The following LRRC4C variants were observed in gnomAD, a reference collection of about 807,000 sequenced individuals.
LRRC4C encodes leucine-rich repeat-containing protein 4C.
In LRRC4C, 5 loss-of-function variants were observed where a neutral mutation model predicts 33.6. The observed-to-expected ratio is 0.15, with a 90% confidence interval of 0.08 to 0.31. The LOEUF is 0.31. Ranked by LOEUF, LRRC4C falls within the 10% of genes least tolerant of loss-of-function variation. The pLI is 1.00. For synonymous variants in LRRC4C, 329 were observed against 302.0 expected, an observed-to-expected ratio of 1.09 and a Z score of -0.93; for missense variants, 560 against 796.7, an observed-to-expected ratio of 0.70 and a Z score of 3.58.
At chr11:40,391,171 G>A (rs909975474) in intron 3 of LRRC4C, among the ~76,000 whole-genome samples, 74 of 152,120 alleles carry the variant, frequency 4.9e-4, no homozygotes, top group Non-Finnish European at 2.1e-4. Context: ...TTCTTTTCTT[G>A]AGACATTTGT....
intron 4 of LRRC4C, among the ~76,000 whole-genome samples, chr11:40,267,616 G>T (rs1315814620): frequency 6.6e-6 from 1 of 152,176 alleles, no homozygotes; most frequent in African/African-American, 2.4e-5. Flanking sequence ...CTCCCAAAGT[G>T]CTGGGATTAC....
intron 3 of LRRC4C, among the ~76,000 whole-genome samples, chr11:40,410,731 C>T (rs934445338): frequency 2.6e-5 from 4 of 152,048 alleles, no homozygotes; most frequent in African/African-American, 7.2e-5. Context: ...CTGTTTCTAG[C>T]CAGGTAAAAG....
intron 3 of LRRC4C, among the ~76,000 whole-genome samples, chr11:40,393,873 T>TA (rs1159764742): frequency 2.0e-5 from 3 of 152,072 alleles, no homozygotes; most frequent in Admixed American, 6.6e-5. Context: ...CATGAGAAGC[T>TA]AAAATAAATT....
chr11:40,811,579 C>T (rs1053907844), intron 2 of LRRC4C, among the ~76,000 whole-genome samples: 1 of 152,100 alleles, frequency 6.6e-6, no homozygotes, highest in African/African-American at 2.4e-5. Flanking sequence ...CTCACTGCAA[C>T]CTCTGCCTCC....
intron 2 of LRRC4C, among the ~76,000 whole-genome samples, chr11:40,877,527 T>G (rs1393148994): frequency 6.6e-6 from 1 of 152,134 alleles, no homozygotes; most frequent in Non-Finnish European, 1.5e-5. Context: ...ATTTCATCAA[T>G]TCACCGAGTT....
At chr11:40,635,688 G>A (rs1475496084) in intron 3 of LRRC4C, among the ~76,000 whole-genome samples, 2 of 137,020 alleles carry the variant, frequency 1.5e-5, no homozygotes, top group African/African-American at 5.6e-5. Context: ...CCAGGCTAGA[G>A]TGCAGTGGCG....
chr11:40,150,794 G>A (rs144921695), intron 5 of LRRC4C, among the ~76,000 whole-genome samples: 20 of 152,224 alleles, frequency 1.3e-4, no homozygotes, highest in South Asian at 2.1e-4. Flanking sequence ...CTAATTGAAG[G>A]GAGAAGTAGA....
chr11:40,898,703 T>C (rs1956077156), intron 2 of LRRC4C, among the ~76,000 whole-genome samples: 1 of 152,068 alleles, frequency 6.6e-6, no homozygotes, highest in Admixed American at 6.5e-5. Context: ...AATAGTAGAT[T>C]CAAAGCTAAC....
chr11:40,136,006 T>G (rs978348341), intron 6 of LRRC4C, among the ~76,000 whole-genome samples: 2 of 152,242 alleles, frequency 1.3e-5, no homozygotes, highest in Non-Finnish European at 2.9e-5. Flanking sequence ...GCTGGAGATG[T>G]AAGCAAAACT....
intron 3 of LRRC4C, among the ~76,000 whole-genome samples, chr11:40,592,479 T>C (rs1456133417): frequency 6.6e-6 from 1 of 152,140 alleles, no homozygotes; most frequent in Non-Finnish European, 1.5e-5. Flanking sequence ...GGGAAGCACA[T>C]TTTGAGACCC....
chr11:41,281,066 CT>C (rs1278510204), intron 1 of LRRC4C, among the ~76,000 whole-genome samples: 6 of 136,844 alleles, frequency 4.4e-5, no homozygotes, highest in African/African-American at 1.7e-4. Flanking sequence ...CTCTCTCTCT[CT>C]CTCTCTCTGT....
At chr11:40,323,732 A>T (rs1945965633) in intron 3 of LRRC4C, among the ~76,000 whole-genome samples, 1 of 152,188 alleles carries the variant, frequency 6.6e-6, no homozygotes, top group Admixed American at 6.5e-5. Flanking sequence ...TGGACAGAAC[A>T]CTGTGCTAAA....
intron 1 of LRRC4C, among the ~76,000 whole-genome samples, chr11:41,329,143 T>C (rs1352752719): frequency 1.3e-5 from 2 of 152,208 alleles, no homozygotes; most frequent in Admixed American, 1.3e-4. Context: ...TCAAGACTCA[T>C]TGGTAACTCA....
chr11:41,181,203 C>T (rs1312873458), intron 1 of LRRC4C, among the ~76,000 whole-genome samples: 4 of 152,080 alleles, frequency 2.6e-5, no homozygotes, highest in Non-Finnish European at 4.4e-5. Context: ...TACTGTGACC[C>T]TTTAATTTTC....
intron 3 of LRRC4C, among the ~76,000 whole-genome samples, chr11:40,386,618 T>C (rs890862429): frequency 1.3e-5 from 2 of 152,222 alleles, no homozygotes; most frequent in Non-Finnish European, 2.9e-5. Context: ...GCTATTGTTC[T>C]TTCTCCCCAT....
At chr11:40,860,010 C>T (rs1294917706) in intron 2 of LRRC4C, among the ~76,000 whole-genome samples, 8 of 151,864 alleles carry the variant, frequency 5.3e-5, no homozygotes, top group African/African-American at 9.7e-5. Flanking sequence ...GGCGTGAACC[C>T]GGGAGGCGGA....
chr11:40,442,400 C>G (rs1951438226), intron 3 of LRRC4C, among the ~76,000 whole-genome samples: 1 of 152,132 alleles, frequency 6.6e-6, no homozygotes, highest in Admixed American at 6.5e-5. Flanking sequence ...AAGTCAGGTA[C>G]TAAAAAAGGC....
intron 2 of LRRC4C, among the ~76,000 whole-genome samples, chr11:40,789,248 G>GA (rs889274284): frequency 2.0e-5 from 3 of 151,518 alleles, no homozygotes; most frequent in Admixed American, 1.3e-4. Context: ...TGAGACGACT[G>GA]AAAAAAAATC....
intron 1 of LRRC4C, among the ~76,000 whole-genome samples, chr11:41,286,830 G>A (rs547296607): frequency 8.7e-4 from 132 of 152,066 alleles, no homozygotes; most frequent in African/African-American, 3.0e-3. Context: ...GGAGGAGAAG[G>A]ATAAGAAAAA....
Sources: allele counts gnomAD v4.1 joint callset (sites outside exome capture counted in the v4.1 genomes callset), GRCh38; gene constraint gnomAD v4.1.1; transcripts MANE v1.5; gene names NCBI Gene and HGNC (gene_info 2026-07-23, HGNC 2026-07-21).